Variants in NRG3 observed in about 807,000 individuals in gnomAD.
NRG3 encodes the protein pro-neuregulin-3, membrane-bound isoform.
Under a neutral mutation model 66.9 loss-of-function variants are expected in NRG3, and 31 were observed. The ratio of observed to expected loss-of-function variants is 0.46; its 90% CI spans 0.35 to 0.63. The LOEUF (loss-of-function observed/expected upper bound fraction) is 0.63. NRG3 is among the 20% of genes least tolerant of loss of function. The pLI, the probability that NRG3 is intolerant of heterozygous loss-of-function variation, is 0.00. For missense variants in NRG3, 910 were observed against 878.9 expected, an observed-to-expected ratio of 1.04 and a Z score of -0.45; for synonymous variants, 393 against 359.4, an observed-to-expected ratio of 1.09 and a Z score of -1.06.
intron 1 of NRG3, among the ~76,000 whole-genome samples, chr10:81,932,281 T>C (rs1847448045): frequency 6.6e-6 from 1 of 151,964 alleles, no homozygotes; most frequent in South Asian, 2.1e-4. Context: ...CCATACACTT[T>C]TTAATGACCA....
chr10:82,437,323 G>A (rs777643930), intron 2 of NRG3, among the ~76,000 whole-genome samples: 7 of 151,252 alleles, frequency 4.6e-5, no homozygotes, highest in Non-Finnish European at 8.8e-5. Flanking sequence ...CTGCTTGGTC[G>A]ATTTGGCTGT....
At chr10:82,721,566 G>A (rs2057323791) in intron 2 of NRG3, among the ~76,000 whole-genome samples, 1 of 152,094 alleles carries the variant, frequency 6.6e-6, no homozygotes, top group Non-Finnish European at 1.5e-5. Context: ...AGGATTACAG[G>A]CACCCTCCGC....
At chr10:82,464,614 G>C (rs1004784047) in intron 2 of NRG3, among the ~76,000 whole-genome samples, 6 of 152,142 alleles carry the variant, frequency 3.9e-5, no homozygotes, top group Admixed American at 1.3e-4. Context: ...GCAGCACCCT[G>C]GTCAGCAGCT....
rs1353219283 is a variant in NRG3 at position 82,241,074 on chromosome 10, T to A, written c.824-117665T>A. On this transcript the variant is annotated intron_variant, in intron 1 of 8. Transcript: ENST00000372141. ...GGGAGAAAATAAGAAACCTGCTGATTCTCTGAGCTAGAATAATTTATACTT... is the reference window on the plus strand; with the variant it reads ...GGGAGAAAATAAGAAACCTGCTGATACTCTGAGCTAGAATAATTTATACTT... Among the ~76,000 whole-genome samples the A allele has an allele frequency of 6.6e-5, 10 of 152,216 alleles. No homozygotes were observed. The East Asian group carries it at 1.9e-3, about 29-fold the overall frequency.
At chr10:82,115,863 G>T (rs534627775) in intron 1 of NRG3, among the ~76,000 whole-genome samples, 2 of 152,054 alleles carry the variant, frequency 1.3e-5, no homozygotes, top group Admixed American at 6.6e-5. Context: ...AGTGCTTAGG[G>T]GATGTTCTGC....
rs547439281 is a variant in NRG3 at position 82,754,375 on chromosome 10, G to A, written c.1027+15725G>A. Among the ~76,000 whole-genome samples, 54 of 151,734 alleles carry A rather than the reference G, an allele frequency of 3.6e-4. 1 individual carries two copies. Among genetic ancestry groups the A allele is most frequent in the Middle Eastern group, 3.4e-3 (1 of 294 alleles). ...TCCATATCCCCCAAAATTTGTATTT[G>A]GGTTTTATGAACTCATTTCTGTCTC... On this transcript the variant is annotated intron_variant, in intron 3 of 8. Coordinates refer to ENST00000372141, the MANE Select transcript of NRG3 (RefSeq NM_001010848.4).
At chr10:82,339,350 T>C (rs1218140948) in intron 1 of NRG3, among the ~76,000 whole-genome samples, 1 of 152,184 alleles carries the variant, frequency 6.6e-6, no homozygotes, top group Admixed American at 6.5e-5. Flanking sequence ...TAGTTCCACA[T>C]AGCTGGGGAG....
intron 2 of NRG3, among the ~76,000 whole-genome samples, chr10:82,434,862 ATT>A (rs2090035068): frequency 6.6e-6 from 1 of 151,944 alleles, no homozygotes; most frequent in Non-Finnish European, 1.5e-5. Context: ...TTTATTGAGA[ATT>A]TTTGCACTGA....
chr10:82,843,078 A>G (rs778219848), intron 3 of NRG3, among the ~76,000 whole-genome samples: 1 of 152,228 alleles, frequency 6.6e-6, no homozygotes, highest in African/African-American at 2.4e-5. Flanking sequence ...TTGACTATAG[A>G]TAACTGAAGT....
At chr10:82,474,743 G>C (rs1209405364) in intron 2 of NRG3, among the ~76,000 whole-genome samples, 1 of 152,040 alleles carries the variant, frequency 6.6e-6, no homozygotes, top group Non-Finnish European at 1.5e-5. Context: ...ATTTAGGAAA[G>C]AAATGAATAT....
intron 1 of NRG3, among the ~76,000 whole-genome samples, chr10:82,027,224 G>A (rs1347281749): frequency 6.6e-6 from 1 of 152,036 alleles, no homozygotes; most frequent in Non-Finnish European, 1.5e-5. Flanking sequence ...ATAGGAATAT[G>A]CTTTAGAAAA....
Position 82,985,400 on chromosome 10 carries a change from T to C in NRG3, c.1886T>C (p.Ile629Thr). ...ATAGCAGAACAACAAGAAGTGAAAA[T>C]ATTGCTAGAAACTGTCCAGGAGCAG... Reference protein sequence around the residue: ...CLIAEQQEVKILLETVQEQIR... With the variant: ...CLIAEQQEVKTLLETVQEQIR... The change falls in exon 9 of 9, where the codon ATA becomes ACA. Residue 629 changes from isoleucine (I) to threonine (T), a missense_variant. Physicochemically the swap from Ile to Thr is moderately conservative, Grantham distance 89. Coordinates refer to ENST00000372141, the MANE Select transcript of NRG3 (RefSeq NM_001010848.4). 1 of 1,614,056 alleles carries C rather than the reference T, an allele frequency of 6.2e-7. No homozygotes were observed.
At chr10:82,585,534 C>T (rs1257502674) in intron 2 of NRG3, among the ~76,000 whole-genome samples, 2 of 152,112 alleles carry the variant, frequency 1.3e-5, no homozygotes, top group Admixed American at 1.3e-4. Context: ...AGACCACCCA[C>T]CCCTCTTCTC....
chr10:82,106,822 T>A (rs892250772), intron 1 of NRG3, among the ~76,000 whole-genome samples: 7 of 152,252 alleles, frequency 4.6e-5, no homozygotes, highest in South Asian at 2.1e-4. Flanking sequence ...AGACATTTTT[T>A]ATCCAGGGAT....
intron 1 of NRG3, among the ~76,000 whole-genome samples, chr10:82,354,369 G>T (rs1025746765): frequency 6.7e-6 from 1 of 148,572 alleles, no homozygotes; most frequent in Non-Finnish European, 1.5e-5. Context: ...CAAACAATTA[G>T]AAAAATGCTG....
chr10:82,800,870 T>C (rs1162808565), intron 3 of NRG3, among the ~76,000 whole-genome samples: 2 of 152,198 alleles, frequency 1.3e-5, no homozygotes, highest in African/African-American at 4.8e-5. Flanking sequence ...GGTGGACAGC[T>C]GGTGCACAGA....
chr10:82,830,579 T>C (rs1029568593), intron 3 of NRG3, among the ~76,000 whole-genome samples: 4 of 152,214 alleles, frequency 2.6e-5, no homozygotes, highest in Admixed American at 1.3e-4. Context: ...AGTCTTTTTA[T>C]TTATTCAGTG....
intron 1 of NRG3, among the ~76,000 whole-genome samples, chr10:82,012,750 G>A (rs375886130): frequency 6.6e-6 from 1 of 152,114 alleles, no homozygotes; most frequent in East Asian, 1.9e-4. Context: ...TAGGGCAGGG[G>A]CAAAATGTGA....
intron 1 of NRG3, among the ~76,000 whole-genome samples, chr10:82,016,699 T>A (rs2061802258): frequency 6.6e-6 from 1 of 152,100 alleles, no homozygotes; most frequent in African/African-American, 2.4e-5. Context: ...TAATGAGGTC[T>A]GCGACTAGGC....
Sources: gnomAD v4.1 joint callset for allele counts (sites outside exome capture counted in the v4.1 genomes callset) on GRCh38, gnomAD v4.1.1 for gene constraint, MANE v1.5 for transcripts, NCBI Gene and HGNC (gene_info 2026-07-23, HGNC 2026-07-21) for gene names.